The following FHOD3 variants were observed in gnomAD, a reference collection of about 807,000 sequenced individuals.
The protein encoded by FHOD3 is formin homology 2 domain containing 3.
FHOD3 carries 90 observed loss-of-function variants against 173.0 expected under a neutral mutation model. The ratio of observed to expected loss-of-function variants is 0.52; its 90% CI spans 0.44 to 0.62. The LOEUF is 0.62. Ranked by LOEUF, FHOD3 falls within the 20% of genes least tolerant of loss-of-function variation. The pLI, the probability that FHOD3 is intolerant of heterozygous loss-of-function variation, is 0.00. For synonymous variants in FHOD3, 828 were observed against 823.0 expected, an observed-to-expected ratio of 1.01 and a Z score of -0.10; for missense variants, 1,945 against 2,034.7, an observed-to-expected ratio of 0.96 and a Z score of 0.85.
intron 19 of FHOD3, among the ~76,000 whole-genome samples, chr18:36,720,748 C>CCTTA (rs2040731125): frequency 6.7e-6 from 1 of 148,236 alleles, no homozygotes; most frequent in Non-Finnish European, 1.5e-5. Flanking sequence ...CCTCCTCCTT[C>CCTTA]TTCTCCTCCT....
At chr18:36,475,777 C>T (rs2145284232) in intron 3 of FHOD3, among the ~76,000 whole-genome samples, 1 of 151,568 alleles carries the variant, frequency 6.6e-6, no homozygotes, top group South Asian at 2.1e-4. Flanking sequence ...CACACACACA[C>T]ACACACACAC....
chr18:36,606,694 G>A (rs1203539270), intron 8 of FHOD3, among the ~76,000 whole-genome samples: 2 of 152,092 alleles, frequency 1.3e-5, no homozygotes, highest in African/African-American at 4.8e-5. Flanking sequence ...AAGACTCAAG[G>A]CACGATTCAT....
intron 3 of FHOD3, among the ~76,000 whole-genome samples, chr18:36,461,043 G>T (rs1391012441): frequency 6.6e-6 from 1 of 152,156 alleles, no homozygotes; most frequent in East Asian, 1.9e-4. Context: ...ACAGGATGAG[G>T]GTTGAGAGGG....
intron 9 of FHOD3, 136 bp downstream of exon 9, chr18:36,612,231 C>A: frequency 2.2e-6 from 2 of 897,302 alleles, no homozygotes; most frequent in Non-Finnish European, 3.3e-6. Context: ...GTAGGCTTCA[C>A]CCCAGACCTA....
intron 8 of FHOD3, among the ~76,000 whole-genome samples, chr18:36,606,466 A>G (rs2032081406): frequency 6.6e-6 from 1 of 152,102 alleles, no homozygotes; most frequent in Admixed American, 6.5e-5. Context: ...CATCCGATTT[A>G]CCTCCTTTCA....
chr18:36,566,102 A>G (rs1201466522), intron 5 of FHOD3, among the ~76,000 whole-genome samples: 1 of 152,230 alleles, frequency 6.6e-6, no homozygotes, highest in Non-Finnish European at 1.5e-5. Flanking sequence ...ATTGATTAAA[A>G]GATTACACAG....
At chr18:36,731,658 C>T (rs1035825286) in intron 20 of FHOD3, among the ~76,000 whole-genome samples, 2 of 152,224 alleles carry the variant, frequency 1.3e-5, no homozygotes, top group Non-Finnish European at 2.9e-5. Context: ...TTGTTTGAGA[C>T]ACTTGGGCAT....
At chr18:36,621,657 T>C (rs970558691) in intron 9 of FHOD3, among the ~76,000 whole-genome samples, 3 of 152,250 alleles carry the variant, frequency 2.0e-5, no homozygotes, top group African/African-American at 7.2e-5. Flanking sequence ...TGTTTGTTGA[T>C]GTTCCATTGG....
intron 3 of FHOD3, among the ~76,000 whole-genome samples, chr18:36,482,839 A>G (rs1160041634): frequency 2.6e-5 from 2 of 78,314 alleles, no homozygotes; most frequent in African/African-American, 1.1e-4. Flanking sequence ...ACACACACAC[A>G]CACACACTCA....
chr18:36,459,158 AC>A (rs34140781), intron 3 of FHOD3, among the ~76,000 whole-genome samples: 152,282 of 152,282 alleles, frequency 1, 76,141 homozygotes, highest in Non-Finnish European at 1. Flanking sequence ...TTATGGCCAC[AC>A]CCCCATCTAC....
intron 3 of FHOD3, among the ~76,000 whole-genome samples, chr18:36,459,756 C>T (rs1168678318): frequency 3.3e-5 from 5 of 152,112 alleles, no homozygotes. Flanking sequence ...CTTTATATCC[C>T]ACACTGTTAC....
rs535247789 is a variant in FHOD3 at position 36,549,001 on chromosome 18, A to T, written c.512-27450A>T. ...GTTTAGCTTTAAAAAATACTTCCAA[A>T]CAACTTCCAAAGGAGTTGTACTATT... is the stretch of plus-strand genomic sequence containing the variant. On this transcript the variant is annotated intron_variant, in intron 5 of 28. Coordinates refer to ENST00000590592, the MANE Select transcript of FHOD3 (RefSeq NM_001281740.3). Among the ~76,000 whole-genome samples the T allele has an allele frequency of 2.0e-5, 3 of 152,322 alleles. No homozygotes were observed. In the South Asian group the frequency reaches 6.2e-4, roughly 32 times the overall value.
intron 9 of FHOD3, among the ~76,000 whole-genome samples, chr18:36,619,819 G>A (rs1283162374): frequency 2.0e-5 from 3 of 152,202 alleles, no homozygotes; most frequent in African/African-American, 7.2e-5. Context: ...GTATGAGGTG[G>A]GGGCCAGAAA....
intron 5 of FHOD3, among the ~76,000 whole-genome samples, chr18:36,514,737 T>C (rs1161512155): frequency 6.6e-6 from 1 of 152,210 alleles, no homozygotes; most frequent in African/African-American, 2.4e-5. Context: ...CATTTGTGTA[T>C]TTCTATTGCA....
intron 24 of FHOD3, 41 bp from the exon 25 acceptor site, chr18:36,755,078 T>C: frequency 7.2e-7 from 1 of 1,380,948 alleles, no homozygotes; most frequent in Non-Finnish European, 9.6e-7. Flanking sequence ...TTTTTATTTC[T>C]TAAAACGGAA....
chr18:36,523,878 ACC>A (rs1400617107), intron 5 of FHOD3, among the ~76,000 whole-genome samples: 2 of 152,212 alleles, frequency 1.3e-5, no homozygotes, highest in Non-Finnish European at 2.9e-5. Flanking sequence ...CCAGGCTGTT[ACC>A]AAGCACATGT....
At chr18:36,606,661 T>G (rs1258880632) in intron 8 of FHOD3, among the ~76,000 whole-genome samples, 2 of 151,964 alleles carry the variant, frequency 1.3e-5, no homozygotes, top group African/African-American at 4.8e-5. Context: ...AAATCCAGAG[T>G]CTCATCTGAA....
intron 17 of FHOD3, among the ~76,000 whole-genome samples, chr18:36,705,885 G>A (rs2039848519): frequency 6.6e-6 from 1 of 151,980 alleles, no homozygotes; most frequent in Non-Finnish European, 1.5e-5. Flanking sequence ...GGGTATAAAT[G>A]AGACGTTTTC....
intron 3 of FHOD3, among the ~76,000 whole-genome samples, chr18:36,383,473 A>G (rs568448884): frequency 3.9e-5 from 6 of 152,310 alleles, no homozygotes; most frequent in African/African-American, 1.4e-4. Flanking sequence ...AGGAGGAGAA[A>G]ACTAGATTCA....
Sources: gnomAD v4.1 joint callset for allele counts (sites outside exome capture counted in the v4.1 genomes callset) on GRCh38, gnomAD v4.1.1 for gene constraint, MANE v1.5 for transcripts, NCBI Gene and HGNC (gene_info 2026-07-23, HGNC 2026-07-21) for gene names.